The following LINGO2 variants were observed in gnomAD, a reference collection of about 807,000 sequenced individuals.
LINGO2 encodes the protein leucine-rich repeat and immunoglobulin-like domain-containing nogo receptor-interacting protein 2.
A neutral mutation model predicts 30.6 loss-of-function variants in LINGO2; 14 were observed. The observed-to-expected ratio is 0.46, with a 90% CI of 0.30 to 0.72. LINGO2 has a LOEUF of 0.72. LINGO2 is among the 30% of genes least tolerant of loss of function. The probability of loss-of-function intolerance (pLI) is 0.07; values close to 1 mark genes in which losing one functional copy is unlikely to be tolerated. For missense variants in LINGO2, 729 were observed against 751.7 expected (o/e 0.97, Z 0.35); for synonymous variants, 317 against 288.5 (o/e 1.10, Z -1.00).
intron 4 of LINGO2, among the ~76,000 whole-genome samples, chr9:28,021,486 TATAA>T (rs138422698): frequency 0.01 from 1,575 of 152,280 alleles, 30 homozygotes; most frequent in African/African-American, 0.036. Flanking sequence ...TGCCATATTC[TATAA>T]ATGTCAATTA....
chr9:28,576,960 G>A (rs1235455502), intron 1 of LINGO2, among the ~76,000 whole-genome samples: 1 of 152,146 alleles, frequency 6.6e-6, no homozygotes, highest in Non-Finnish European at 1.5e-5. Context: ...GTAACAGTGA[G>A]AAAATTATGA....
At chr9:28,369,420 A>T (rs1331892) in intron 3 of LINGO2, among the ~76,000 whole-genome samples, 78,022 of 151,994 alleles carry the variant, frequency 0.51, 21,985 homozygotes, top group African/African-American at 0.74. Context: ...TAAAAGTGAC[A>T]CCATTGCTAT....
At chr9:28,479,088 TATC>T (rs1828332825) in intron 1 of LINGO2, among the ~76,000 whole-genome samples, 1 of 152,012 alleles carries the variant, frequency 6.6e-6, no homozygotes, top group African/African-American at 2.4e-5. Context: ...AAGTAGTAGT[TATC>T]ATTTTGGGCT....
At chr9:28,561,370 G>T (rs952775675) in intron 1 of LINGO2, among the ~76,000 whole-genome samples, 1 of 151,632 alleles carries the variant, frequency 6.6e-6, no homozygotes, top group South Asian at 2.1e-4. Context: ...AGTATCATAG[G>T]GAATCTGTGG....
chr9:29,063,323 T>C, the LINGO2 span, among the ~76,000 whole-genome samples: 6 of 152,008 alleles, frequency 3.9e-5, no homozygotes, highest in Admixed American at 2.6e-4. Flanking sequence ...AATTCATACA[T>C]ATCCATTATT....
intron 2 of LINGO2, among the ~76,000 whole-genome samples, chr9:28,453,132 A>G (rs931247244): frequency 2.6e-5 from 4 of 151,964 alleles, no homozygotes; most frequent in Non-Finnish European, 5.9e-5. Flanking sequence ...ATGGTTGTTA[A>G]CATTTTTATT....
the LINGO2 span, among the ~76,000 whole-genome samples, chr9:29,004,045 C>T: frequency 6.6e-6 from 1 of 151,922 alleles, no homozygotes; most frequent in African/African-American, 2.4e-5. Flanking sequence ...TTTTATAAGC[C>T]AAAGCCCAGT....
At chr9:28,985,903 C>T in the LINGO2 span, among the ~76,000 whole-genome samples, 3 of 151,912 alleles carry the variant, frequency 2.0e-5, no homozygotes, top group African/African-American at 7.2e-5. Flanking sequence ...TTGCTGTCTG[C>T]ACTTTGGGGG....
chr9:28,006,299 T>A (rs1822263423), intron 5 of LINGO2, among the ~76,000 whole-genome samples: 2 of 152,150 alleles, frequency 1.3e-5, no homozygotes, highest in South Asian at 4.1e-4. Flanking sequence ...ATGGGCCTTC[T>A]GAGGATTAAA....
intron 2 of LINGO2, among the ~76,000 whole-genome samples, chr9:28,380,037 A>T (rs1459195846): frequency 1.3e-5 from 2 of 152,096 alleles, no homozygotes; most frequent in African/African-American, 4.8e-5. Context: ...CTTTTTATTT[A>T]CAGATTATTT....
chr9:28,870,088 C>CT, the LINGO2 span, among the ~76,000 whole-genome samples: 17 of 151,500 alleles, frequency 1.1e-4, no homozygotes, highest in African/African-American at 3.6e-4. Flanking sequence ...GGATTTGTTA[C>CT]TTTATTTTCC....
intron 1 of LINGO2, among the ~76,000 whole-genome samples, chr9:28,513,799 T>A (rs1820510958): frequency 6.6e-6 from 1 of 152,216 alleles, no homozygotes; most frequent in Non-Finnish European, 1.5e-5. Context: ...AAATGGATGA[T>A]CTTAAAAAAG....
chr9:28,922,710 G>C, the LINGO2 span, among the ~76,000 whole-genome samples: 2 of 152,124 alleles, frequency 1.3e-5, no homozygotes, highest in African/African-American at 4.8e-5. Flanking sequence ...AACACTTTTT[G>C]TTAATTAAGT....
the LINGO2 span, among the ~76,000 whole-genome samples, chr9:28,959,383 C>A: frequency 6.6e-6 from 1 of 151,056 alleles, no homozygotes; most frequent in African/African-American, 2.4e-5. Flanking sequence ...GAGGTGAGGT[C>A]TAGATACATT....
intron 1 of LINGO2, among the ~76,000 whole-genome samples, chr9:28,569,141 G>C (rs1019755680): frequency 2.6e-5 from 4 of 151,962 alleles, no homozygotes; most frequent in African/African-American, 9.7e-5. Flanking sequence ...AATAACAAGA[G>C]TGTTTATGTA....
At chr9:28,076,871 C>T (rs1015014735) in intron 4 of LINGO2, among the ~76,000 whole-genome samples, 4 of 152,092 alleles carry the variant, frequency 2.6e-5, no homozygotes, top group Non-Finnish European at 5.9e-5. Flanking sequence ...TCCCCTCTGG[C>T]TGCTTTTAGG....
the LINGO2 span, among the ~76,000 whole-genome samples, chr9:29,085,931 T>C: frequency 6.6e-6 from 1 of 152,156 alleles, no homozygotes; most frequent in Non-Finnish European, 1.5e-5. Context: ...TGTTAGTAGT[T>C]CCAAATCCGT....
chr9:28,897,204 A>G, the LINGO2 span, among the ~76,000 whole-genome samples: 1 of 152,190 alleles, frequency 6.6e-6, no homozygotes, highest in Admixed American at 6.5e-5. Flanking sequence ...AATGAAACTC[A>G]TCTCCATTAG....
At chr9:29,210,477 T>G in the LINGO2 span, among the ~76,000 whole-genome samples, 1 of 152,184 alleles carries the variant, frequency 6.6e-6, no homozygotes, top group East Asian at 1.9e-4. Flanking sequence ...GTATCACTTT[T>G]TCACACCATA....
Sources: gnomAD v4.1 joint callset for allele counts (sites outside exome capture counted in the v4.1 genomes callset) on GRCh38, gnomAD v4.1.1 for gene constraint, MANE v1.5 for transcripts, NCBI Gene and HGNC (gene_info 2026-07-23, HGNC 2026-07-21) for gene names.